VAV1: variants seen among roughly 807,000 people sequenced by gnomAD.
VAV1 encodes proto-oncogene vav.
A neutral mutation model predicts 128.1 loss-of-function variants in VAV1; 33 were observed. The ratio of observed to expected loss-of-function variants is 0.26; its 90% CI spans 0.20 to 0.34. The LOEUF (loss-of-function observed/expected upper bound fraction) is 0.34, where lower values mean the gene tolerates loss of function less well. VAV1 is among the 10% of genes least tolerant of loss of function. The probability of loss-of-function intolerance (pLI) is 1.00; values close to 1 mark genes in which losing one functional copy is unlikely to be tolerated. For synonymous variants in VAV1, 394 were observed against 409.8 expected (o/e 0.96, Z 0.47); for missense variants, 715 against 1,093.7 (o/e 0.65, Z 4.88).
chr19:6,832,888 T>C (rs1972119558), intron 15 of VAV1, among the ~76,000 whole-genome samples: 1 of 152,174 alleles, frequency 6.6e-6, no homozygotes, highest in Non-Finnish European at 1.5e-5. Context: ...CCATCACCTC[T>C]ATCCAGTTTC....
In VAV1 at chr19:6,828,915, C is replaced by A. The variant is rs770047726; in HGVS notation, c.1265+15C>A. The A allele has an allele frequency of 6.2e-7, 1 of 1,613,798 alleles. No homozygotes were observed. The highest frequency in any genetic ancestry group is 1.1e-5 in the South Asian group (1 of 91,062). On this transcript the variant is annotated intron_variant, in intron 13 of 26. Coordinates refer to ENST00000602142, the MANE Select transcript of VAV1 (RefSeq NM_005428.4). The surrounding 1 kb of genome is among the most constrained non-coding windows in gnomAD (Gnocchi z 4.5). Reference sequence around the variant, plus strand: ...AAGATGGACAGGTGGGTGGAGTCAACATGGATCTGGGATGGAGCCTGGGCA... The same window carrying A: ...AAGATGGACAGGTGGGTGGAGTCAAAATGGATCTGGGATGGAGCCTGGGCA...
rs1455672909 is a variant in VAV1, at chr19:6,777,051, GC to G, written c.204+4043del. ...ATTACAGGTGTGAGCCATACGCCCG[GC>G]CCATCCATTCATCTATCTATCATCC... On this transcript the variant is annotated intron_variant, in intron 1 of 26. Coordinates refer to ENST00000602142, the MANE Select transcript of VAV1 (RefSeq NM_005428.4). This position sits in a 1 kb window ranked among gnomAD's most constrained non-coding sequence, Gnocchi z 4.4. 6.7e-6 allele frequency among the ~76,000 whole-genome samples: 1 copy of G among 150,056 alleles called. No individual in the cohort carries two copies. Among genetic ancestry groups the G allele is most frequent in the African/African-American group, 2.5e-5 (1 of 40,758 alleles).
At chr19:6,848,140 C>A in intron 23 of VAV1, 26 bp downstream of exon 23, 2 of 1,531,028 alleles carry the variant, frequency 1.3e-6, no homozygotes, top group East Asian at 2.6e-5. Flanking sequence ...CTGACTCATA[C>A]CCTTTTGGGG....
At chr19:6,813,786 G>A (rs1971562579) in intron 1 of VAV1, among the ~76,000 whole-genome samples, 1 of 152,202 alleles carries the variant, frequency 6.6e-6, no homozygotes, top group Admixed American at 6.5e-5. Context: ...GGGTGCGGTG[G>A]CTCATACCTG....
chr19:6,776,159 CCCATCCAT>C (rs56714339), intron 1 of VAV1, among the ~76,000 whole-genome samples: 55,059 of 130,008 alleles, frequency 0.42, 11,471 homozygotes, highest in Middle Eastern at 0.54. Context: ...CATCTATCCA[CCCATCCAT>C]CCATCCATCC....
chr19:6,854,397 A>G (rs1972744546), intron 26 of VAV1, among the ~76,000 whole-genome samples: 1 of 152,128 alleles, frequency 6.6e-6, no homozygotes, highest in African/African-American at 2.4e-5. Flanking sequence ...ATAACCAAGC[A>G]GTCATGACAC....
chr19:6,846,037 CAT>C (rs900997839), intron 22 of VAV1, among the ~76,000 whole-genome samples: 9 of 148,398 alleles, frequency 6.1e-5, no homozygotes, highest in Admixed American at 1.4e-4. Context: ...TGTTAGGTGA[CAT>C]AAAATTATAT....
intron 1 of VAV1, among the ~76,000 whole-genome samples, chr19:6,806,647 G>A (rs1971403281): frequency 6.6e-6 from 1 of 152,264 alleles, no homozygotes; most frequent in South Asian, 2.1e-4. Flanking sequence ...CCCAGAAGCT[G>A]GAGCTTAAGA....
At position 6,828,223 on chromosome 19, in the gene VAV1, T is replaced by C; in HGVS notation, c.1023+52T>C. The C allele has an allele frequency of 6.2e-7, 1 of 1,603,132 alleles. No individual in the cohort carries two copies. Among genetic ancestry groups the C allele is most frequent in the African/African-American group, 1.3e-5 (1 of 74,782 alleles). On this transcript the variant is annotated intron_variant, in intron 10 of 26. Coordinates refer to ENST00000602142, the MANE Select transcript of VAV1 (RefSeq NM_005428.4). The surrounding 1 kb of genome is among the most constrained non-coding windows in gnomAD (Gnocchi z 4.5). ...CTCCACGTACCTACTCTCCTGTGTC[T>C]ATAAAAGTGGGGACGGGGCTGGCTT...
chr19:6,832,608 T>TTCCTCTTCCTCC (rs1599666366), intron 15 of VAV1, among the ~76,000 whole-genome samples: 1 of 93,142 alleles, frequency 1.1e-5, no homozygotes, highest in Non-Finnish European at 2.1e-5. Context: ...CTTCCTCCTA[T>TTCCTCTTCCTCC]TCCTCCTCCA....
chr19:6,804,455 C>T (rs527459029), intron 1 of VAV1, among the ~76,000 whole-genome samples: 3 of 152,092 alleles, frequency 2.0e-5, no homozygotes, highest in Admixed American at 6.5e-5. Context: ...CTTGCTCTGT[C>T]GCCCAGGCTG....
Position 6,850,869 on chromosome 19 carries a change from G to A in VAV1, c.2217+112G>A. The A allele has an allele frequency of 7.7e-6, 7 of 914,280 alleles. No individual in the cohort carries two copies. The South Asian group carries it at 1.1e-4, about 15-fold the overall frequency. The allele number at this position is 914,280 out of a possible 1,614,324, so 56.6% of individuals were successfully genotyped here. A position where few individuals can be genotyped will look rare whatever the true frequency, so the allele number is the denominator to read the frequency against. On this transcript the variant is annotated intron_variant, in intron 24 of 26. Coordinates refer to ENST00000602142, the MANE Select transcript of VAV1 (RefSeq NM_005428.4). ...CATTCAGGGTGACCCCCCTCCAGTG[G>A]CACTACAGTGCAAGTGACCTTAAAC...
chr19:6,842,212 A>G (rs1262131311), intron 21 of VAV1, among the ~76,000 whole-genome samples: 2 of 152,134 alleles, frequency 1.3e-5, no homozygotes, highest in African/African-American at 4.8e-5. Context: ...CCTGGGCAAT[A>G]AGAGCAAAAC....
At chr19:6,834,487 G>C (rs1328022879) in intron 19 of VAV1, among the ~76,000 whole-genome samples, 3 of 151,046 alleles carry the variant, frequency 2.0e-5, no homozygotes, top group African/African-American at 7.3e-5. Flanking sequence ...CAGGTGATCT[G>C]CCTGCTCAGC....
chr19:6,822,488 A>G lies in VAV1; in HGVS notation c.628A>G (p.Thr210Ala), dbSNP rs1299101805. The G allele has an allele frequency of 1.9e-6, 3 of 1,554,176 alleles. No individual in the cohort carries two copies. Among genetic ancestry groups the G allele is most frequent in the East Asian group, 2.4e-5 (1 of 41,222 alleles). Residue 210 changes from threonine (T) to alanine (A), a missense_variant, in exon 6 of 27, where the codon ACT becomes GCT. By Grantham distance (58) the Thr-to-Ala change is moderately conservative (BLOSUM62 0). This residue lies in a region of VAV1 where 302 missense variants were observed against 477.8 expected (regional missense o/e 0.63). Transcript: ENST00000602142. This position sits in a 1 kb window ranked among gnomAD's most constrained non-coding sequence, Gnocchi z 5.9. ...GATCCAGCAGACGGAGGAGAAGTACACTGACACGCTGGGCTCCATCCAGCA... is the reference window on the plus strand; with the variant it reads ...GATCCAGCAGACGGAGGAGAAGTACGCTGACACGCTGGGCTCCATCCAGCA... The part of the protein sequence containing the change: ...REIQQTEEKY[T>A]DTLGSIQQHF...
At chr19:6,835,682 T>A (rs1972204310) in intron 19 of VAV1, 1 of 152,216 alleles carries the variant, frequency 6.6e-6, no homozygotes, top group South Asian at 2.1e-4. Flanking sequence ...GACGGTGAGA[T>A]GCATTGATGT....
At chr19:6,773,612 G>A (rs1421929877) in intron 1 of VAV1, among the ~76,000 whole-genome samples, 9 of 152,186 alleles carry the variant, frequency 5.9e-5, no homozygotes, top group Admixed American at 5.9e-4. Flanking sequence ...AGATAGTAAG[G>A]CAGGGCCCAG....
Position 6,826,571 on chromosome 19 carries a change from T to A in VAV1, c.828-41T>A. On this transcript the variant is annotated intron_variant, in intron 8 of 26. Coordinates refer to ENST00000602142, the MANE Select transcript of VAV1 (RefSeq NM_005428.4). The surrounding 1 kb of genome is among the most constrained non-coding windows in gnomAD (Gnocchi z 4.1). ...GACGCCAGCCTCTGCCCGACCTTGA[T>A]GCCAGTCACCTTTACCTGGTGGCCT... 6.7e-7 allele frequency: 1 copy of A among 1,491,650 alleles called. No homozygotes were observed. The highest frequency in any genetic ancestry group is 9.1e-7 in the Non-Finnish European group (1 of 1,094,612). 92.4% of individuals were successfully genotyped at this position (1,491,650 alleles called of 1,614,324 possible). A position where few individuals can be genotyped will look rare whatever the true frequency, so the allele number is the denominator to read the frequency against.
At chr19:6,806,364 C>T (rs1388711496) in intron 1 of VAV1, among the ~76,000 whole-genome samples, 2 of 152,132 alleles carry the variant, frequency 1.3e-5, no homozygotes, top group African/African-American at 2.4e-5. Flanking sequence ...GGATTCCAGG[C>T]GTGAGCCACC....
Sources: allele counts gnomAD v4.1 joint callset (sites outside exome capture counted in the v4.1 genomes callset), GRCh38; gene constraint gnomAD v4.1.1; regional missense constraint gnomAD v4.1.1; non-coding constraint Gnocchi (gnomAD v3.1); transcripts MANE v1.5; gene names NCBI Gene and HGNC (gene_info 2026-07-23, HGNC 2026-07-21).